The following TMEM131 variants were observed in gnomAD, a reference collection of about 807,000 sequenced individuals.
TMEM131 encodes transmembrane protein 131, also known as 2610524E03Rik.
A neutral mutation model predicts 211.6 loss-of-function variants in TMEM131; 66 were observed. The ratio of observed to expected loss-of-function variants is 0.31; its 90% CI spans 0.26 to 0.38. The LOEUF is 0.38. Ranked by LOEUF, TMEM131 falls within the 10% of genes least tolerant of loss-of-function variation. The probability of loss-of-function intolerance (pLI) is 1.00; values close to 1 mark genes in which losing one functional copy is unlikely to be tolerated. For synonymous variants in TMEM131, 844 were observed against 841.3 expected, an observed-to-expected ratio of 1.00 and a Z score of -0.06; for missense variants, 2,036 against 2,299.3, an observed-to-expected ratio of 0.89 and a Z score of 2.34.
At chr2:97,941,689 G>A (rs1022565941) in intron 1 of TMEM131, among the ~76,000 whole-genome samples, 7 of 152,174 alleles carry the variant, frequency 4.6e-5, no homozygotes, top group African/African-American at 1.7e-4. Flanking sequence ...CTTCTCAAAA[G>A]AAGACACTTA....
At chr2:97,995,236 A>G (rs1680440941) in intron 1 of TMEM131, among the ~76,000 whole-genome samples, 1 of 152,246 alleles carries the variant, frequency 6.6e-6, no homozygotes, top group African/African-American at 2.4e-5. Context: ...AACGTACGAG[A>G]AGTCAGGAAG....
At chr2:97,959,560 T>C (rs974188779) in intron 1 of TMEM131, among the ~76,000 whole-genome samples, 3 of 150,572 alleles carry the variant, frequency 2.0e-5, no homozygotes, top group African/African-American at 2.4e-5. Context: ...TATGTCTGCG[T>C]GTGTGTGTGT....
At chr2:97,973,408 G>A (rs1163492220) in intron 1 of TMEM131, among the ~76,000 whole-genome samples, 2 of 152,222 alleles carry the variant, frequency 1.3e-5, no homozygotes, top group African/African-American at 2.4e-5. Context: ...CCAGCTTACT[G>A]CCTCAAGGGA....
At chr2:97,847,081 G>T (rs923913204) in intron 5 of TMEM131, among the ~76,000 whole-genome samples, 4 of 109,616 alleles carry the variant, frequency 3.6e-5, no homozygotes, top group East Asian at 6.1e-4. Flanking sequence ...GGGGGGGGGG[G>T]GGGGGGCCGA....
At chr2:97,994,299 C>A (rs1407259055) in intron 1 of TMEM131, among the ~76,000 whole-genome samples, 1 of 152,206 alleles carries the variant, frequency 6.6e-6, no homozygotes, top group Non-Finnish European at 1.5e-5. Context: ...TCAATTAATC[C>A]TTTCTATAGA....
Position 97,757,134 on chromosome 2 carries a change from G to T in TMEM131, c.5617C>A (p.Pro1873Thr), listed in dbSNP as rs755374381. ...SPTIGRRSSD[P>T]WSNSHFPHEN ...TGAGGAAAGTGCGAATTAGACCAAG[G>T]GTCCGAGCTTCTTCTTCCAATCGTG... The change falls in exon 41 of 41, where the codon CCT becomes ACT. Residue 1873 changes from proline (P) to threonine (T), a missense_variant. Pro to Thr is a conservative substitution (Grantham distance 38, BLOSUM62 -1). Transcript: ENST00000186436. 4 of 1,611,078 alleles carry T rather than the reference G, an allele frequency of 2.5e-6. No homozygotes were observed. The highest frequency in any genetic ancestry group is 3.4e-6 in the Non-Finnish European group (4 of 1,178,066).
chr2:97,920,571 C>A (rs1307364543), intron 2 of TMEM131, among the ~76,000 whole-genome samples: 4 of 152,118 alleles, frequency 2.6e-5, no homozygotes, highest in African/African-American at 7.2e-5. Flanking sequence ...TTATTAGAAT[C>A]AATAAGTAAT....
intron 1 of TMEM131, among the ~76,000 whole-genome samples, chr2:97,946,101 A>T (rs1678024943): frequency 1.3e-5 from 2 of 152,138 alleles, no homozygotes; most frequent in Admixed American, 1.3e-4. Context: ...CAGGGATTTT[A>T]TCTTGCATTA....
intron 2 of TMEM131, among the ~76,000 whole-genome samples, chr2:97,926,708 C>T (rs758786748): frequency 2.0e-5 from 3 of 152,184 alleles, no homozygotes; most frequent in Non-Finnish European, 4.4e-5. Context: ...CATCCCAGTT[C>T]ACAAGCTTTT....
chr2:97,884,688 T>C (rs541118209), intron 4 of TMEM131, among the ~76,000 whole-genome samples: 8 of 152,368 alleles, frequency 5.3e-5, no homozygotes, highest in African/African-American at 1.9e-4. Context: ...TTGTTGCTTT[T>C]TATAGCTTTT....
At chr2:97,797,031 C>T in intron 26 of TMEM131, 45 bp from the exon 27 acceptor site, 1 of 1,576,206 alleles carries the variant, frequency 6.3e-7, no homozygotes, top group Non-Finnish European at 8.6e-7. Flanking sequence ...ATTAAATCTG[C>T]ACAATCTTTT....
chr2:97,937,471 C>A (rs1232702188), intron 1 of TMEM131, among the ~76,000 whole-genome samples: 2 of 152,142 alleles, frequency 1.3e-5, no homozygotes, highest in East Asian at 3.9e-4. Context: ...GAAAAAAAGG[C>A]ATGAAGAATA....
At chr2:97,903,833 T>A (rs1302223051) in intron 3 of TMEM131, among the ~76,000 whole-genome samples, 2 of 151,996 alleles carry the variant, frequency 1.3e-5, no homozygotes, top group Non-Finnish European at 2.9e-5. Flanking sequence ...ACAGGCGCAT[T>A]TTGTATTTTA....
At chr2:97,965,636 A>T (rs575211072) in intron 1 of TMEM131, among the ~76,000 whole-genome samples, 6 of 134,544 alleles carry the variant, frequency 4.5e-5, no homozygotes, top group Non-Finnish European at 6.7e-5. Context: ...GACAAGCCCC[A>T]TGGCTGGGCA....
At chr2:97,765,006 A>C (rs1679086512) in intron 35 of TMEM131, 1 of 152,376 alleles carries the variant, frequency 6.6e-6, no homozygotes, top group East Asian at 1.9e-4. Context: ...GCATCTGTTT[A>C]ATGGGGAACT....
At chr2:97,782,271 C>G (rs937273643) in intron 31 of TMEM131, among the ~76,000 whole-genome samples, 2 of 152,204 alleles carry the variant, frequency 1.3e-5, no homozygotes, top group African/African-American at 2.4e-5. Flanking sequence ...CCTGCCCTTG[C>G]GAGTCAACAG....
At chr2:97,793,919 G>A (rs1197881671) in intron 29 of TMEM131, among the ~76,000 whole-genome samples, 3 of 146,640 alleles carry the variant, frequency 2.0e-5, no homozygotes, top group African/African-American at 5.1e-5. Context: ...GCATGAACCC[G>A]GGAGGCGGAG....
intron 2 of TMEM131, chr2:97,911,697 G>A: frequency 1.0e-6 from 1 of 976,310 alleles, no homozygotes; most frequent in Non-Finnish European, 1.2e-6. Flanking sequence ...TAGAAAATCA[G>A]AAAATAAATA....
chr2:97,903,991 G>A (rs1675965052), intron 3 of TMEM131, among the ~76,000 whole-genome samples: 1 of 152,110 alleles, frequency 6.6e-6, no homozygotes. Flanking sequence ...AAAATAAACA[G>A]CATCTACTCT....
Sources: gnomAD v4.1 joint callset for allele counts (sites outside exome capture counted in the v4.1 genomes callset) on GRCh38, gnomAD v4.1.1 for gene constraint, MANE v1.5 for transcripts, NCBI Gene and HGNC (gene_info 2026-07-23, HGNC 2026-07-21) for gene names.